AGMO: variants seen among roughly 807,000 people sequenced by gnomAD.
The protein encoded by AGMO is glyceryl-ether monooxygenase.
In AGMO, 75 loss-of-function variants were observed where a neutral mutation model predicts 60.2. The observed-to-expected ratio is 1.25, with a 90% CI of 1.03 to 1.51. The LOEUF is 1.51. Ranked by LOEUF, AGMO falls within the 40% of genes most tolerant of loss-of-function variation. AGMO has a pLI of 0.00. For synonymous variants in AGMO, 261 were observed against 177.1 expected (o/e 1.47, Z -3.76); for missense variants, 763 against 525.5 (o/e 1.45, Z -4.42).
At chr7:15,216,646 T>C (rs138327180) in intron 12 of AGMO, among the ~76,000 whole-genome samples, 38 of 152,248 alleles carry the variant, frequency 2.5e-4, no homozygotes, top group East Asian at 1.5e-3. Flanking sequence ...TTTGGTCCAA[T>C]TGCATACTGA....
At chr7:15,347,957 T>G (rs1041757473) in intron 12 of AGMO, among the ~76,000 whole-genome samples, 1 of 152,060 alleles carries the variant, frequency 6.6e-6, no homozygotes, top group Non-Finnish European at 1.5e-5. Context: ...GCTTATAACT[T>G]TTCTTGACTT....
the AGMO span, among the ~76,000 whole-genome samples, chr7:15,188,940 T>TTAAA: frequency 1.3e-5 from 2 of 152,102 alleles, no homozygotes; most frequent in African/African-American, 4.8e-5. Flanking sequence ...TCGGAGGAGA[T>TTAAA]AAATTAGAAA....
At chr7:15,140,200 A>T in the AGMO span, among the ~76,000 whole-genome samples, 1 of 151,980 alleles carries the variant, frequency 6.6e-6, no homozygotes, top group East Asian at 1.9e-4. Context: ...ATACAAATTA[A>T]TTTGGTTAAG....
intron 12 of AGMO, among the ~76,000 whole-genome samples, chr7:15,250,990 A>C (rs1183754384): frequency 6.6e-6 from 1 of 152,096 alleles, no homozygotes; most frequent in African/African-American, 2.4e-5. Flanking sequence ...TAGCAGGAAA[A>C]AAATTATTTC....
chr7:15,314,368 C>T (rs1475917546), intron 12 of AGMO, among the ~76,000 whole-genome samples: 2 of 152,022 alleles, frequency 1.3e-5, no homozygotes, highest in African/African-American at 4.8e-5. Flanking sequence ...TTGAGTCATA[C>T]ATATATTTTG....
At chr7:15,180,618 T>C in the AGMO span, among the ~76,000 whole-genome samples, 8 of 152,316 alleles carry the variant, frequency 5.3e-5, no homozygotes, top group African/African-American at 1.7e-4. Context: ...TCACTATAAT[T>C]TCACTTAATG....
At chr7:15,514,466 A>T (rs983116253) in intron 3 of AGMO, among the ~76,000 whole-genome samples, 1 of 152,212 alleles carries the variant, frequency 6.6e-6, no homozygotes, top group African/African-American at 2.4e-5. Context: ...TGAGAGATAT[A>T]TAGTATTTAT....
At chr7:15,363,285 G>A (rs1303534159) in intron 12 of AGMO, among the ~76,000 whole-genome samples, 1 of 152,068 alleles carries the variant, frequency 6.6e-6, no homozygotes. Flanking sequence ...GGATCTCAAG[G>A]CAGGCCAAGG....
At chr7:15,548,151 C>T (rs1373182992) in intron 2 of AGMO, among the ~76,000 whole-genome samples, 1 of 152,006 alleles carries the variant, frequency 6.6e-6, no homozygotes, top group Non-Finnish European at 1.5e-5. Flanking sequence ...ACATCCACAT[C>T]AAAAACCCAT....
chr7:15,302,171 T>C (rs1329933655), intron 12 of AGMO, among the ~76,000 whole-genome samples: 1 of 152,206 alleles, frequency 6.6e-6, no homozygotes, highest in African/African-American at 2.4e-5. Context: ...TGGTACTTAT[T>C]AGATTTTTAA....
At chr7:15,261,593 A>C (rs1424602863) in intron 12 of AGMO, among the ~76,000 whole-genome samples, 1 of 151,978 alleles carries the variant, frequency 6.6e-6, no homozygotes, top group African/African-American at 2.4e-5. Flanking sequence ...ATTGGTACCA[A>C]TCCTAGTGAC....
At chr7:15,290,885 T>C (rs955484238) in intron 12 of AGMO, among the ~76,000 whole-genome samples, 3 of 152,294 alleles carry the variant, frequency 2.0e-5, no homozygotes, top group East Asian at 3.9e-4. Flanking sequence ...GCCATTAATA[T>C]AGAATTTCAA....
chr7:15,228,271 G>C (rs1265719467), intron 12 of AGMO, among the ~76,000 whole-genome samples: 1 of 151,972 alleles, frequency 6.6e-6, no homozygotes, highest in African/African-American at 2.4e-5. Flanking sequence ...TGAGTGACAC[G>C]TGGTCAAAAC....
In AGMO at chr7:15,248,203, T is replaced by TATATATATATATATATAC. The variant is rs1563053818; in HGVS notation, c.1264-46845_1264-46844insGTATATATATATATATAT. Among the ~76,000 whole-genome samples the TATATATATATATATATAC allele has an allele frequency of 3.2e-5, 3 of 94,556 alleles. No homozygotes were observed. The South Asian group carries it at 9.4e-4, about 30-fold the overall frequency. The allele number at this position is 94,556 out of a possible 152,430, so 62.0% of individuals were successfully genotyped here. A position where few individuals can be genotyped will look rare whatever the true frequency, so the allele number is the denominator to read the frequency against. ...CCATATATATATATATATATATATA[T>TATATATATATATATATAC]ATATATATATATATATATATATCTT... On this transcript the variant is annotated intron_variant, in intron 12 of 12. Transcript: ENST00000342526.
At chr7:15,444,426 C>A (rs915941230) in intron 3 of AGMO, among the ~76,000 whole-genome samples, 19 of 152,152 alleles carry the variant, frequency 1.2e-4, no homozygotes, top group African/African-American at 4.6e-4. Flanking sequence ...CCTTACCTCC[C>A]ATTCTTTCTT....
intron 12 of AGMO, among the ~76,000 whole-genome samples, chr7:15,216,454 A>C (rs140532683): frequency 4.9e-4 from 74 of 152,192 alleles, no homozygotes; most frequent in African/African-American, 1.8e-3. Flanking sequence ...ACTAAAATCC[A>C]AGAGCCTTGA....
At chr7:15,384,197 A>G (rs1441846054) in intron 10 of AGMO, among the ~76,000 whole-genome samples, 1 of 152,170 alleles carries the variant, frequency 6.6e-6, no homozygotes. Flanking sequence ...TTGGCCTCCC[A>G]AAGTGCTGGG....
intron 10 of AGMO, among the ~76,000 whole-genome samples, chr7:15,378,567 A>G (rs1286857956): frequency 1.3e-5 from 2 of 151,916 alleles, no homozygotes; most frequent in African/African-American, 4.8e-5. Flanking sequence ...GAGATCTTCA[A>G]AGAGATTTAG....
intron 2 of AGMO, among the ~76,000 whole-genome samples, chr7:15,557,651 T>C (rs776410249): frequency 1.3e-5 from 2 of 151,938 alleles, no homozygotes; most frequent in South Asian, 2.1e-4. Context: ...TAGTTTTATA[T>C]AACAAAACAA....
Sources: gnomAD v4.1 joint callset for allele counts (sites outside exome capture counted in the v4.1 genomes callset) on GRCh38, gnomAD v4.1.1 for gene constraint, MANE v1.5 for transcripts, NCBI Gene and HGNC (gene_info 2026-07-23, HGNC 2026-07-21) for gene names.